Variants in SLC44A5 observed in about 807,000 individuals in gnomAD.
SLC44A5 encodes the protein solute carrier family 44 member 5, also known as choline transporter-like protein 5.
In SLC44A5, 57 loss-of-function variants were observed where a neutral mutation model predicts 101.8. The ratio of observed to expected loss-of-function variants is 0.56; its 90% CI spans 0.45 to 0.70. SLC44A5 has a LOEUF of 0.70. Among genes scored for constraint, SLC44A5 ranks in the 30% least tolerant of loss-of-function variants. SLC44A5 has a pLI of 0.00. For synonymous variants in SLC44A5, 281 were observed against 290.9 expected (o/e 0.97, Z 0.35); for missense variants, 737 against 853.1 (o/e 0.86, Z 1.70).
intron 2 of SLC44A5, among the ~76,000 whole-genome samples, chr1:75,492,486 A>G (rs1412430672): frequency 1.3e-5 from 2 of 152,240 alleles, no homozygotes; most frequent in African/African-American, 4.8e-5. Flanking sequence ...TAATGAATAA[A>G]TAAAGATTAA....
At chr1:75,685,233 C>T in the SLC44A5 span, among the ~76,000 whole-genome samples, 123 of 152,200 alleles carry the variant, frequency 8.1e-4, 1 homozygote, top group African/African-American at 2.9e-3. Context: ...TTTTCCTGGG[C>T]CTCCTGACTT....
rs1160008458 is a variant in SLC44A5, at chr1:75,242,043, G to A, written c.490C>T (p.Leu164=). ...ATCGCTGTTGGACAATCATCATCCA[G>A]TAAAAGCTGTGTGAGAGACTAAAAT... ...KPVKSLTQLL[L]DDDCPTAIFP... The change falls in exon 9 of 24, where the codon CTG becomes TTG. Residue 164 remains leucine (L), a synonymous_variant. Coordinates refer to ENST00000370859, the MANE Select transcript of SLC44A5 (RefSeq NM_001130058.2). The A allele has an allele frequency of 6.2e-7, 1 of 1,612,122 alleles. No individual in the cohort carries two copies. Among genetic ancestry groups the A allele is most frequent in the Non-Finnish European group, 8.5e-7 (1 of 1,178,824 alleles).
chr1:75,330,346 C>G (rs1026579117), intron 4 of SLC44A5, among the ~76,000 whole-genome samples: 1 of 151,940 alleles, frequency 6.6e-6, no homozygotes, highest in African/African-American at 2.4e-5. Context: ...ATCACCACTG[C>G]CACCACCCCC....
the SLC44A5 span, among the ~76,000 whole-genome samples, chr1:75,713,072 G>GCTCATTC: frequency 6.6e-6 from 1 of 151,998 alleles, no homozygotes; most frequent in Non-Finnish European, 1.5e-5. Context: ...TATCATTTCA[G>GCTCATTC]CTCATTCTCT....
chr1:75,227,686 T>C, intron 13 of SLC44A5, 40 bp downstream of exon 13: 1 of 1,495,864 alleles, frequency 6.7e-7, no homozygotes, highest in Non-Finnish European at 8.9e-7. Context: ...TATTTTCTCA[T>C]TATTACAATT....
chr1:75,235,623 A>G (rs1018090073), intron 11 of SLC44A5, among the ~76,000 whole-genome samples: 1 of 152,054 alleles, frequency 6.6e-6, no homozygotes, highest in African/African-American at 2.4e-5. Flanking sequence ...CAAAATGAGT[A>G]AAATCTCATA....
intron 2 of SLC44A5, among the ~76,000 whole-genome samples, chr1:75,479,464 T>A (rs1009463152): frequency 6.6e-6 from 1 of 152,100 alleles, no homozygotes; most frequent in African/African-American, 2.4e-5. Context: ...ATCCAGGAGC[T>A]GGTTTTTTGA....
intron 1 of SLC44A5, among the ~76,000 whole-genome samples, chr1:75,591,949 C>G (rs1570694081): frequency 6.6e-6 from 1 of 152,118 alleles, no homozygotes; most frequent in Non-Finnish European, 1.5e-5. Flanking sequence ...AACCAAAAGC[C>G]TTTCCTCTAA....
the SLC44A5 span, among the ~76,000 whole-genome samples, chr1:75,668,076 C>T: frequency 6.6e-6 from 1 of 152,122 alleles, no homozygotes. Flanking sequence ...ACTTTAAATC[C>T]TCTAAGAGTG....
At chr1:75,273,885 C>T (rs76356419) in intron 6 of SLC44A5, among the ~76,000 whole-genome samples, 8,632 of 152,116 alleles carry the variant, frequency 0.057, 284 homozygotes, top group Middle Eastern at 0.12. Flanking sequence ...GTGATACGGG[C>T]TTCCTAGAAT....
the SLC44A5 span, among the ~76,000 whole-genome samples, chr1:75,628,419 C>T: frequency 6.6e-6 from 1 of 152,100 alleles, no homozygotes. Context: ...GGGTAAAAGA[C>T]AGGTCTAGAT....
intron 2 of SLC44A5, among the ~76,000 whole-genome samples, chr1:75,413,645 C>T (rs17097975): frequency 6.6e-6 from 1 of 152,122 alleles, no homozygotes; most frequent in Non-Finnish European, 1.5e-5. Flanking sequence ...GGTTGTACAA[C>T]TTCCTTTCTC....
intron 4 of SLC44A5, among the ~76,000 whole-genome samples, chr1:75,319,289 T>A (rs184399812): frequency 1.6e-4 from 24 of 152,256 alleles, no homozygotes; most frequent in African/African-American, 5.5e-4. Context: ...TTACAGGAAA[T>A]AGCATTTGTT....
chr1:75,242,164 CCTT>C (rs1648691931), intron 8 of SLC44A5, 103 bp from the exon 9 acceptor site: 3 of 764,474 alleles, frequency 3.9e-6, no homozygotes, highest in Non-Finnish European at 4.3e-6. Context: ...ATAATAATCT[CCTT>C]ATTTCAAATT....
intron 2 of SLC44A5, among the ~76,000 whole-genome samples, chr1:75,406,964 C>G (rs1391494733): frequency 2.0e-5 from 3 of 151,982 alleles, no homozygotes; most frequent in African/African-American, 7.2e-5. Context: ...AAAACCCTAT[C>G]GCCTCAGCCC....
intron 6 of SLC44A5, among the ~76,000 whole-genome samples, chr1:75,267,149 A>G (rs966217072): frequency 1.3e-5 from 2 of 152,158 alleles, no homozygotes; most frequent in African/African-American, 4.8e-5. Flanking sequence ...ACAACATGAA[A>G]GTGCTTTTAG....
At chr1:75,392,106 C>T (rs1196052665) in intron 3 of SLC44A5, among the ~76,000 whole-genome samples, 5 of 151,798 alleles carry the variant, frequency 3.3e-5, no homozygotes, top group East Asian at 1.9e-4. Flanking sequence ...GCCATGATCA[C>T]GCCACTGTAC....
At chr1:75,218,457 C>T in intron 17 of SLC44A5, 33 bp downstream of exon 17, 1 of 1,610,250 alleles carries the variant, frequency 6.2e-7, no homozygotes, top group East Asian at 2.2e-5. Context: ...ATGTAACTGA[C>T]AAGATAGGTG....
At chr1:75,593,863 G>A (rs1424364085) in intron 1 of SLC44A5, among the ~76,000 whole-genome samples, 1 of 151,838 alleles carries the variant, frequency 6.6e-6, no homozygotes, top group Non-Finnish European at 1.5e-5. Context: ...GAGGGAAGAG[G>A]GGATAGTTAA....
Sources: allele counts gnomAD v4.1 joint callset (sites outside exome capture counted in the v4.1 genomes callset), GRCh38; gene constraint gnomAD v4.1.1; transcripts MANE v1.5; gene names NCBI Gene and HGNC (gene_info 2026-07-23, HGNC 2026-07-21).